Variants in SGCD observed in about 807,000 individuals in gnomAD.
SGCD encodes delta-sarcoglycan.
A neutral mutation model predicts 36.6 loss-of-function variants in SGCD; 18 were observed. The ratio of observed to expected loss-of-function variants is 0.49; its 90% CI spans 0.34 to 0.73. The LOEUF (loss-of-function observed/expected upper bound fraction) is 0.73. SGCD is among the 30% of genes least tolerant of loss of function. The pLI is 0.01. For synonymous variants in SGCD, 133 were observed against 130.6 expected (o/e 1.02, Z -0.12); for missense variants, 387 against 346.7 (o/e 1.12, Z -0.92).
intron 3 of SGCD, among the ~76,000 whole-genome samples, chr5:156,450,397 G>T (rs1411161338): frequency 6.6e-6 from 1 of 152,070 alleles, no homozygotes; most frequent in Non-Finnish European, 1.5e-5. Context: ...AGACAGTAAA[G>T]CTGCCAAAGG....
At chr5:156,487,160 C>T (rs992409373) in intron 3 of SGCD, among the ~76,000 whole-genome samples, 1 of 152,172 alleles carries the variant, frequency 6.6e-6, no homozygotes, top group Non-Finnish European at 1.5e-5. Context: ...CAACTGGGAT[C>T]CCTGTCTCAA....
chr5:155,979,978 C>G (rs955176290), intron 1 of SGCD, among the ~76,000 whole-genome samples: 1 of 152,022 alleles, frequency 6.6e-6, no homozygotes, highest in Non-Finnish European at 1.5e-5. Flanking sequence ...ATGAGGGTTC[C>G]ACCTTCATGA....
chr5:156,156,426 C>T (rs769511100), intron 3 of SGCD, among the ~76,000 whole-genome samples: 5 of 151,448 alleles, frequency 3.3e-5, no homozygotes, highest in African/African-American at 9.8e-5. Flanking sequence ...GTCAGGAATT[C>T]GAGATCAGCC....
intron 3 of SGCD, among the ~76,000 whole-genome samples, chr5:156,372,871 G>C (rs1770463526): frequency 8.6e-6 from 1 of 116,076 alleles, no homozygotes; most frequent in African/African-American, 2.8e-5. Context: ...TTGAATATGG[G>C]TTTTGTATTT....
At chr5:156,617,791 G>A (rs1044585192) in intron 6 of SGCD, among the ~76,000 whole-genome samples, 2 of 152,148 alleles carry the variant, frequency 1.3e-5, no homozygotes, top group Non-Finnish European at 2.9e-5. Flanking sequence ...TGGTTTACAG[G>A]GCCATGATTG....
At chr5:156,744,113 G>A (rs752797776) in intron 7 of SGCD, among the ~76,000 whole-genome samples, 2 of 152,208 alleles carry the variant, frequency 1.3e-5, no homozygotes, top group Admixed American at 6.5e-5. Flanking sequence ...TCGAGCCCAG[G>A]AGTTCAAAAC....
At chr5:156,467,905 T>C (rs1392674847) in intron 3 of SGCD, among the ~76,000 whole-genome samples, 3 of 152,220 alleles carry the variant, frequency 2.0e-5, no homozygotes, top group African/African-American at 7.2e-5. Flanking sequence ...GTTGGAAGTG[T>C]ATGTGAACTG....
At chr5:156,272,238 C>T (rs1483591034) in intron 3 of SGCD, among the ~76,000 whole-genome samples, 1 of 152,164 alleles carries the variant, frequency 6.6e-6, no homozygotes, top group African/African-American at 2.4e-5. Context: ...ATCCTCATAG[C>T]TTAGCTCCCA....
chr5:156,334,748 G>A (rs1206979550), intron 2 of SGCD, among the ~76,000 whole-genome samples: 1 of 150,224 alleles, frequency 6.7e-6, no homozygotes, highest in Non-Finnish European at 1.5e-5. Flanking sequence ...TCTTTCCACC[G>A]CTGTGAGATC....
chr5:156,180,982 A>G (rs979130831), intron 3 of SGCD, among the ~76,000 whole-genome samples: 2 of 152,200 alleles, frequency 1.3e-5, no homozygotes, highest in Non-Finnish European at 2.9e-5. Context: ...TGAGATTCCT[A>G]GGGAGATGGT....
the SGCD span, among the ~76,000 whole-genome samples, chr5:155,733,206 G>A: frequency 2.6e-5 from 4 of 152,110 alleles, no homozygotes; most frequent in South Asian, 4.1e-4. Context: ...TAGCTGTGGT[G>A]TAAGAAACAC....
At chr5:156,036,971 A>G (rs974951102) in intron 1 of SGCD, among the ~76,000 whole-genome samples, 4 of 152,162 alleles carry the variant, frequency 2.6e-5, no homozygotes, top group African/African-American at 9.7e-5. Flanking sequence ...TCCTCATGCC[A>G]CTTACAGTTT....
intron 3 of SGCD, among the ~76,000 whole-genome samples, chr5:156,167,554 G>C (rs1231414950): frequency 6.6e-6 from 1 of 152,054 alleles, no homozygotes; most frequent in African/African-American, 2.4e-5. Context: ...TGGATCATAA[G>C]GGTGAATCCC....
intron 1 of SGCD, among the ~76,000 whole-genome samples, chr5:156,046,795 T>A (rs998183519): frequency 1.3e-5 from 2 of 152,120 alleles, no homozygotes; most frequent in Non-Finnish European, 2.9e-5. Context: ...CTCAAGGTAT[T>A]CAAGTGAAGG....
chr5:155,785,391 C>G, the SGCD span, among the ~76,000 whole-genome samples: 1 of 152,130 alleles, frequency 6.6e-6, no homozygotes, highest in East Asian at 1.9e-4. Context: ...ATTAGCCTAT[C>G]CATCACCTCA....
At chr5:156,094,890 A>G (rs1761338665) in intron 1 of SGCD, among the ~76,000 whole-genome samples, 1 of 152,092 alleles carries the variant, frequency 6.6e-6, no homozygotes, top group Admixed American at 6.5e-5. Context: ...AATCCCAGCT[A>G]CTCAGGAGGC....
At chr5:156,113,122 G>T (rs1192688841) in intron 1 of SGCD, among the ~76,000 whole-genome samples, 2 of 152,152 alleles carry the variant, frequency 1.3e-5, no homozygotes, top group Non-Finnish European at 2.9e-5. Flanking sequence ...GTGAGCCCAT[G>T]CCCCAGAGTA....
the SGCD span, among the ~76,000 whole-genome samples, chr5:155,785,411 T>A: frequency 6.6e-6 from 1 of 152,222 alleles, no homozygotes; most frequent in Non-Finnish European, 1.5e-5. Flanking sequence ...AAACATTTAT[T>A]GTTTCTTTGT....
At chr5:155,801,290 AC>A in the SGCD span, among the ~76,000 whole-genome samples, 21 of 152,048 alleles carry the variant, frequency 1.4e-4, no homozygotes, top group Non-Finnish European at 5.9e-5. Flanking sequence ...CTCTCCTACC[AC>A]CCCTCTGCAT....
Sources: allele counts gnomAD v4.1 joint callset (sites outside exome capture counted in the v4.1 genomes callset), GRCh38; gene constraint gnomAD v4.1.1; transcripts MANE v1.5; gene names NCBI Gene and HGNC (gene_info 2026-07-23, HGNC 2026-07-21).